The following E2F6 variants were observed in gnomAD, a reference collection of about 807,000 sequenced individuals.
E2F6 encodes E2F transcription factor 6.
E2F6 carries 19 observed loss-of-function variants against 31.5 expected under a neutral mutation model. That is an observed-to-expected ratio of 0.60 (90% CI 0.42 to 0.89). The LOEUF (loss-of-function observed/expected upper bound fraction) is 0.89. E2F6 is among the 40% of genes least tolerant of loss of function. The pLI is 0.00. For synonymous variants in E2F6, 121 were observed against 127.7 expected, an observed-to-expected ratio of 0.95 and a Z score of 0.36; for missense variants, 269 against 341.6, an observed-to-expected ratio of 0.79 and a Z score of 1.67.
chr2:11,452,464 C>T (rs1671130047), intron 3 of E2F6, among the ~76,000 whole-genome samples: 1 of 151,930 alleles, frequency 6.6e-6, no homozygotes, highest in Non-Finnish European at 1.5e-5. Context: ...ATTAGCCGGG[C>T]GTGGTGGTGT....
intron 2 of E2F6, 153 bp downstream of exon 2, chr2:11,457,026 G>A: frequency 1.6e-6 from 1 of 626,738 alleles, no homozygotes; most frequent in East Asian, 2.9e-5. Flanking sequence ...CATAACCTCA[G>A]GAGTTGTTAC....
intron 2 of E2F6, chr2:11,455,394 A>T (rs1165823594): frequency 2.4e-6 from 3 of 1,266,554 alleles, no homozygotes; most frequent in African/African-American, 3.1e-5. Flanking sequence ...CATTTAGTTT[A>T]AAGACCACTG....
At chr2:11,449,948 T>C (rs1670958455) in intron 5 of E2F6, 64 bp downstream of exon 5, 3 of 1,312,310 alleles carry the variant, frequency 2.3e-6, no homozygotes, top group Admixed American at 1.8e-5. Flanking sequence ...CTGCAATAAA[T>C]CACAGCCTAA....
intron 4 of E2F6, among the ~76,000 whole-genome samples, chr2:11,450,680 TCG>T (rs1671005544): frequency 6.6e-6 from 1 of 152,234 alleles, no homozygotes; most frequent in Non-Finnish European, 1.5e-5. Context: ...TGAGTCTTTT[TCG>T]TCTTGTCTCA....
chr2:11,455,300 G>A lies in E2F6; in HGVS notation c.164-1502C>T, dbSNP rs983251581. The A allele has an allele frequency of 3.7e-6, 4 of 1,080,486 alleles. No homozygotes were observed. In the African/African-American group the frequency reaches 5.0e-5, roughly 14 times the overall value. The allele number at this position is 1,080,486 out of a possible 1,614,324, so 66.9% of individuals were successfully genotyped here. ...GACTTTCTTTTTCTCTACTTCCACA[G>A]CACACCACAGTCAGTATGCCTCAAA... On this transcript the variant is annotated intron_variant, in intron 2 of 6. Transcript: ENST00000381525.
At chr2:11,451,860 AT>A in intron 3 of E2F6, 54 bp from the exon 4 acceptor site, 1 of 1,526,976 alleles carries the variant, frequency 6.5e-7, no homozygotes, top group East Asian at 2.3e-5. Context: ...TAACAAAGTA[AT>A]TTCAAGTTAG....
intron 2 of E2F6, chr2:11,455,463 C>T (rs1671345109): frequency 7.7e-7 from 1 of 1,297,468 alleles, no homozygotes; most frequent in Admixed American, 2.3e-5. Flanking sequence ...CTCTCTGGAG[C>T]CCATTCCTAC....
chr2:11,457,769 C>G (rs1358350813), intron 1 of E2F6, among the ~76,000 whole-genome samples: 1 of 152,226 alleles, frequency 6.6e-6, no homozygotes, highest in Non-Finnish European at 1.5e-5. Flanking sequence ...TCACTCCTTG[C>G]TATTATTAAG....
chr2:11,458,637 G>A (rs1425224141), intron 1 of E2F6, among the ~76,000 whole-genome samples: 1 of 152,204 alleles, frequency 6.6e-6, no homozygotes, highest in Non-Finnish European at 1.5e-5. Context: ...ATGGCAAAAG[G>A]ACTGGGAAAT....
Position 11,466,144 on chromosome 2 carries a change from C to A in E2F6, c.-265G>T. 1 of 447,154 alleles carries A rather than the reference C, an allele frequency of 2.2e-6. No individual in the cohort carries two copies. Among genetic ancestry groups the A allele is most frequent in the Non-Finnish European group, 4.0e-6 (1 of 252,538 alleles). 27.7% of individuals were successfully genotyped at this position (447,154 alleles called of 1,614,324 possible). On this transcript the variant is annotated 5_prime_UTR_variant, in exon 1 of 7. Coordinates refer to ENST00000381525, the MANE Select transcript of E2F6 (RefSeq NM_198256.4). ...TCAAGTCGCCCGGCCCGCCATCTTC[C>A]CGCATGCGCAGTACACCGCCCCCCT...
intron 1 of E2F6, among the ~76,000 whole-genome samples, chr2:11,460,500 C>T (rs1205001902): frequency 6.6e-6 from 1 of 152,184 alleles, no homozygotes; most frequent in Non-Finnish European, 1.5e-5. Context: ...TGGACTTGGA[C>T]TGAGCCATGC....
Position 11,455,340 on chromosome 2 carries a change from AC to A in E2F6, c.164-1543del. 2.6e-6 allele frequency: 3 copies of A among 1,168,388 alleles called. No individual in the cohort carries two copies. The South Asian group carries it at 5.8e-5, about 23-fold the overall frequency. 72.4% of individuals were successfully genotyped at this position (1,168,388 alleles called of 1,614,324 possible). On this transcript the variant is annotated intron_variant, in intron 2 of 6. Transcript: ENST00000381525. ...TATGCCTCAAAGAAATGTCCATCCT[AC>A]CTTCAGTCAGAAATGTCCTTACTCA...
At chr2:11,453,236 C>T (rs1671183233) in intron 3 of E2F6, among the ~76,000 whole-genome samples, 1 of 151,862 alleles carries the variant, frequency 6.6e-6, no homozygotes, top group African/African-American at 2.4e-5. Context: ...ATCTCCTGGG[C>T]TACCTGTTGA....
Position 11,445,500 on chromosome 2 carries a change from G to A in E2F6, c.*977C>T, listed in dbSNP as rs1288165362. On this transcript the variant is annotated 3_prime_UTR_variant, in exon 7 of 7. Coordinates refer to ENST00000381525, the MANE Select transcript of E2F6 (RefSeq NM_198256.4). Reference sequence around the variant, plus strand: ...GTGAAAATGTGGGAGCAGAGCTGGAGAGAGGGCAAGGTACAACTTGTCCTA... The same window carrying A: ...GTGAAAATGTGGGAGCAGAGCTGGAAAGAGGGCAAGGTACAACTTGTCCTA... 6.6e-6 allele frequency: 1 copy of A among 152,558 alleles called. No individual in the cohort carries two copies. The highest frequency in any genetic ancestry group is 1.5e-5 in the Non-Finnish European group (1 of 68,038). 9.5% of individuals were successfully genotyped at this position (152,558 alleles called of 1,614,324 possible). A position where few individuals can be genotyped will look rare whatever the true frequency, so the allele number is the denominator to read the frequency against.
intron 4 of E2F6, among the ~76,000 whole-genome samples, 182 bp from the exon 5 acceptor site, chr2:11,450,308 T>C (rs1201019181): frequency 6.6e-6 from 1 of 152,164 alleles, no homozygotes; most frequent in Non-Finnish European, 1.5e-5. Context: ...ATTATTCACA[T>C]AAAATTAAGA....
Position 11,451,678 on chromosome 2 carries a change from T to C in E2F6, c.509A>G (p.Glu170Gly). ...LIKDCAQQLF[E>G]LTDDKENERL... ...TTCATTTTCTTTGTCATCTGTTAAC[T>C]CAAACAGCTGCTGAGCACAATCCTT... Residue 170 changes from glutamate to glycine, a missense_variant, in exon 4 of 7, where the codon GAG becomes GGG. Coordinates refer to ENST00000381525, the MANE Select transcript of E2F6 (RefSeq NM_198256.4). 1 of 1,611,132 alleles carries C rather than the reference T, an allele frequency of 6.2e-7. No homozygotes were observed. The highest frequency in any genetic ancestry group is 8.5e-7 in the Non-Finnish European group (1 of 1,178,604).
rs188117691 is a variant in E2F6, at chr2:11,449,448, G to A, written c.651+564C>T. Among the ~76,000 whole-genome samples the A allele has an allele frequency of 1.4e-4, 21 of 152,342 alleles. No individual in the cohort carries two copies. In the East Asian group the frequency reaches 3.5e-3, roughly 25 times the overall value. ...GGCCACATTCCTTGGTTCTGATTCT[G>A]TCCTCATCAAGCAGCCTTCTGATGC... is the stretch of plus-strand genomic sequence containing the variant. On this transcript the variant is annotated intron_variant, in intron 5 of 6. Transcript: ENST00000381525.
intron 2 of E2F6, among the ~76,000 whole-genome samples, chr2:11,456,213 G>A (rs530664860): frequency 2.0e-5 from 3 of 152,296 alleles, no homozygotes; most frequent in Non-Finnish European, 4.4e-5. Context: ...AATATACAAG[G>A]AATCAGGGTT....
chr2:11,448,993 T>C (rs1670895564), intron 5 of E2F6, among the ~76,000 whole-genome samples: 1 of 152,154 alleles, frequency 6.6e-6, no homozygotes, highest in African/African-American at 2.4e-5. Flanking sequence ...GCAGAGACTT[T>C]AAATAGGACT....
Sources: allele counts gnomAD v4.1 joint callset (sites outside exome capture counted in the v4.1 genomes callset), GRCh38; gene constraint gnomAD v4.1.1; transcripts MANE v1.5; gene names NCBI Gene and HGNC (gene_info 2026-07-23, HGNC 2026-07-21).